Variants in PARD3B observed in about 807,000 individuals in gnomAD.
The protein encoded by PARD3B is partitioning defective 3 homolog B.
PARD3B carries 103 observed loss-of-function variants against 130.2 expected under a neutral mutation model. The observed-to-expected ratio is 0.79, with a 90% CI of 0.67 to 0.93. The LOEUF (loss-of-function observed/expected upper bound fraction) is 0.93. Ranked by LOEUF, PARD3B falls within the 40% of genes least tolerant of loss-of-function variation. The pLI, the probability that PARD3B is intolerant of heterozygous loss-of-function variation, is 0.00. For missense variants in PARD3B, 1,609 were observed against 1,499.2 expected (o/e 1.07, Z -1.21); for synonymous variants, 583 against 553.2 (o/e 1.05, Z -0.76).
At chr2:205,393,832 G>A (rs1249398348) in intron 18 of PARD3B, among the ~76,000 whole-genome samples, 1 of 152,100 alleles carries the variant, frequency 6.6e-6, no homozygotes, top group East Asian at 1.9e-4. Flanking sequence ...TGTACATATT[G>A]TAAATTTGAA....
intron 20 of PARD3B, among the ~76,000 whole-genome samples, chr2:205,450,425 A>AGAT (rs2048055169): frequency 6.7e-6 from 1 of 149,552 alleles, no homozygotes; most frequent in Non-Finnish European, 1.5e-5. Flanking sequence ...GCAAGTGAGG[A>AGAT]GATGAAAGGC....
chr2:205,401,239 T>A (rs2046241721), intron 19 of PARD3B, 116 bp downstream of exon 19: 1 of 762,102 alleles, frequency 1.3e-6, no homozygotes, highest in Non-Finnish European at 2.1e-6. Flanking sequence ...GGTTGACCGA[T>A]CTGAAAGGAA....
At chr2:204,602,112 C>T (rs1225972886) in intron 1 of PARD3B, among the ~76,000 whole-genome samples, 2 of 152,040 alleles carry the variant, frequency 1.3e-5, no homozygotes, top group African/African-American at 2.4e-5. Context: ...TGGACCTCAG[C>T]TCTGTCACTT....
At chr2:205,313,005 A>C (rs189997750) in intron 18 of PARD3B, among the ~76,000 whole-genome samples, 16 of 152,296 alleles carry the variant, frequency 1.1e-4, no homozygotes, top group Admixed American at 9.8e-4. Context: ...GTTGGCTTGC[A>C]ACTAAGCACC....
chr2:205,182,991 G>A (rs572323885), intron 13 of PARD3B, among the ~76,000 whole-genome samples: 1 of 152,342 alleles, frequency 6.6e-6, no homozygotes, highest in South Asian at 2.1e-4. Flanking sequence ...ATGGTGTCCA[G>A]CCGTATGCCC....
chr2:205,286,252 C>T (rs1303961057), intron 16 of PARD3B, among the ~76,000 whole-genome samples: 1 of 151,992 alleles, frequency 6.6e-6, no homozygotes, highest in Non-Finnish European at 1.5e-5. Flanking sequence ...TCAATTTTCT[C>T]AACTATAAAA....
chr2:204,901,152 G>T (rs2046841348), intron 2 of PARD3B, among the ~76,000 whole-genome samples: 1 of 152,060 alleles, frequency 6.6e-6, no homozygotes, highest in African/African-American at 2.4e-5. Flanking sequence ...GTCATCAGGT[G>T]GCAGCCAGCC....
chr2:205,611,752 C>A (rs1260071395), intron 22 of PARD3B, among the ~76,000 whole-genome samples: 1 of 152,134 alleles, frequency 6.6e-6, no homozygotes, highest in African/African-American at 2.4e-5. Context: ...GGGCTTGTTT[C>A]TCTTTCCTTA....
intron 2 of PARD3B, among the ~76,000 whole-genome samples, chr2:204,956,656 T>C (rs907347189): frequency 2.0e-5 from 3 of 152,222 alleles, no homozygotes; most frequent in East Asian, 3.9e-4. Flanking sequence ...TAGTGATACA[T>C]TGGGCAAATG....
At chr2:204,880,390 G>A (rs769265173) in intron 2 of PARD3B, among the ~76,000 whole-genome samples, 33 of 152,152 alleles carry the variant, frequency 2.2e-4, no homozygotes, top group African/African-American at 5.1e-4. Context: ...GGTCGAGCGC[G>A]GTGGCTCATG....
At chr2:205,036,467 A>G (rs1697900693) in intron 3 of PARD3B, among the ~76,000 whole-genome samples, 2 of 148,084 alleles carry the variant, frequency 1.4e-5, no homozygotes, top group South Asian at 4.2e-4. Context: ...ATATATGTAT[A>G]TAGCGGACTA....
At chr2:204,910,526 G>GA (rs1369865467) in intron 2 of PARD3B, among the ~76,000 whole-genome samples, 7 of 152,142 alleles carry the variant, frequency 4.6e-5, no homozygotes, top group Non-Finnish European at 1.0e-4. Context: ...AAGAAAATCT[G>GA]AAAAAAGAAT....
chr2:204,725,346 T>G (rs1477059459), intron 2 of PARD3B, among the ~76,000 whole-genome samples: 1 of 152,156 alleles, frequency 6.6e-6, no homozygotes, highest in Non-Finnish European at 1.5e-5. Flanking sequence ...AACATGTAGG[T>G]GAAAACGTAC....
chr2:204,838,833 A>C (rs2044155483), intron 2 of PARD3B, among the ~76,000 whole-genome samples: 2 of 152,224 alleles, frequency 1.3e-5, no homozygotes. Context: ...AAACATGTAC[A>C]TCTATTGTGT....
chr2:205,561,491 C>T (rs2053134829), intron 22 of PARD3B, among the ~76,000 whole-genome samples: 1 of 152,174 alleles, frequency 6.6e-6, no homozygotes. Context: ...TGCCCAACTT[C>T]TCTGTACAAC....
At position 205,590,731 on chromosome 2, in the gene PARD3B, T is replaced by C. The variant is rs559469611; in HGVS notation, c.3261-24725T>C. Among the ~76,000 whole-genome samples, 2 of 152,234 alleles carry C rather than the reference T, an allele frequency of 1.3e-5. No individual in the cohort carries two copies. Among genetic ancestry groups the C allele is most frequent in the African/African-American group, 4.8e-5 (2 of 41,546 alleles). ...CGGATCACAAGGGAAGAAGGAAAGA[T>C]AGGATCAAGGATGAAGGAGAAAAGT... On this transcript the variant is annotated intron_variant, in intron 22 of 22. Coordinates refer to ENST00000406610, the MANE Select transcript of PARD3B (RefSeq NM_001302769.2). This position sits in a 1 kb window ranked among gnomAD's most constrained non-coding sequence, Gnocchi z 4.1.
intron 13 of PARD3B, among the ~76,000 whole-genome samples, chr2:205,178,221 T>TGGG (rs3071215): frequency 1.2e-4 from 15 of 128,394 alleles, no homozygotes; most frequent in African/African-American, 3.3e-4. Flanking sequence ...CCAGCTACTA[T>TGGG]GGGGGGGGAA....
At chr2:205,338,136 G>C (rs1014155021) in intron 18 of PARD3B, among the ~76,000 whole-genome samples, 2 of 122,866 alleles carry the variant, frequency 1.6e-5, no homozygotes, top group African/African-American at 6.4e-5. Context: ...CTGGGCAACA[G>C]AGTGAGACTC....
In PARD3B at chr2:205,399,544, A is replaced by G. The variant is rs1251776432; in HGVS notation, c.2631-1469A>G. Reference sequence around the variant, plus strand: ...TAATTTTTGTATTTTTAGTAGAGACAGGGTTTCACTATGTTGGCCAGGCTG... The same window carrying G: ...TAATTTTTGTATTTTTAGTAGAGACGGGGTTTCACTATGTTGGCCAGGCTG... On this transcript the variant is annotated intron_variant, in intron 18 of 22. Coordinates refer to ENST00000406610, the MANE Select transcript of PARD3B (RefSeq NM_001302769.2). Among the ~76,000 whole-genome samples the G allele has an allele frequency of 5.3e-5, 8 of 151,924 alleles. No homozygotes were observed. In the East Asian group the frequency reaches 7.8e-4, roughly 15 times the overall value.
Sources: allele counts gnomAD v4.1 joint callset (sites outside exome capture counted in the v4.1 genomes callset), GRCh38; gene constraint gnomAD v4.1.1; non-coding constraint Gnocchi (gnomAD v3.1); transcripts MANE v1.5; gene names NCBI Gene and HGNC (gene_info 2026-07-23, HGNC 2026-07-21).